The following FSTL5 variants were observed in gnomAD, a reference collection of about 807,000 sequenced individuals.
The protein encoded by FSTL5 is follistatin-related protein 5.
Under a neutral mutation model 89.1 loss-of-function variants are expected in FSTL5, and 62 were observed. That is an observed-to-expected ratio of 0.70 (90% CI 0.57 to 0.86). FSTL5 has a LOEUF of 0.86. Ranked by LOEUF, FSTL5 falls within the 40% of genes least tolerant of loss-of-function variation. The pLI, the probability that FSTL5 is intolerant of heterozygous loss-of-function variation, is 0.00. For missense variants in FSTL5, 1,057 were observed against 1,001.6 expected (o/e 1.06, Z -0.75); for synonymous variants, 383 against 346.2 (o/e 1.11, Z -1.18).
rs551296130 is a variant in FSTL5 at position 161,633,798 on chromosome 4, A to G, written c.894+22530T>C. ...AATGCAAAGCAAATATAAAATGAGC[A>G]TGAGACAACAGTTTATTTAATTCAT... is the stretch of plus-strand genomic sequence containing the variant. On this transcript the variant is annotated intron_variant, in intron 7 of 15. Coordinates refer to ENST00000306100, the MANE Select transcript of FSTL5 (RefSeq NM_020116.5). Among the ~76,000 whole-genome samples the G allele has an allele frequency of 6.6e-5, 10 of 152,326 alleles. No individual in the cohort carries two copies. The South Asian group carries it at 2.1e-3, about 32-fold the overall frequency.
intron 5 of FSTL5, among the ~76,000 whole-genome samples, chr4:161,774,338 C>T (rs1488564705): frequency 1.3e-5 from 2 of 152,166 alleles, no homozygotes; most frequent in East Asian, 3.9e-4. Flanking sequence ...AAGCATGGCC[C>T]TGTCAACACC....
At chr4:161,521,331 T>C (rs541250442) in intron 10 of FSTL5, among the ~76,000 whole-genome samples, 2 of 152,124 alleles carry the variant, frequency 1.3e-5, no homozygotes, top group Admixed American at 6.6e-5. Flanking sequence ...ACAGTGTTTT[T>C]TTTTTCCTGT....
intron 6 of FSTL5, among the ~76,000 whole-genome samples, chr4:161,682,094 C>A (rs1389339270): frequency 6.6e-6 from 1 of 152,054 alleles, no homozygotes; most frequent in African/African-American, 2.4e-5. Flanking sequence ...CTAAATATTT[C>A]TAAACATAGA....
At chr4:161,504,464 T>C (rs751646184) in intron 11 of FSTL5, among the ~76,000 whole-genome samples, 1 of 147,216 alleles carries the variant, frequency 6.8e-6, no homozygotes, top group South Asian at 2.2e-4. Context: ...ATGTGCAGAT[T>C]GTTTTTCGTT....
Position 161,656,562 on chromosome 4 carries a change from C to A in FSTL5, c.728-68G>T, listed in dbSNP as rs925324709. On this transcript the variant is annotated intron_variant, in intron 6 of 15. Transcript: ENST00000306100. Reference sequence around the variant, plus strand: ...TTGTAAGGCTAATAGTATAAAATTTCTGAATACTAGTAATTAAGGCTTTTA... The same window carrying A: ...TTGTAAGGCTAATAGTATAAAATTTATGAATACTAGTAATTAAGGCTTTTA... 5.0e-5 allele frequency: 47 copies of A among 947,584 alleles called. No individual in the cohort carries two copies. The African/African-American group carries it at 7.8e-4, about 16-fold the overall frequency. The allele number at this position is 947,584 out of a possible 1,614,324, so 58.7% of individuals were successfully genotyped here.
intron 6 of FSTL5, among the ~76,000 whole-genome samples, chr4:161,686,802 C>T (rs56059964): frequency 6.6e-6 from 1 of 151,904 alleles, no homozygotes; most frequent in Non-Finnish European, 1.5e-5. Flanking sequence ...GTGCAATAGG[C>T]ACACTTTTAA....
chr4:161,586,324 T>C (rs1473207740), intron 8 of FSTL5, among the ~76,000 whole-genome samples: 2 of 152,310 alleles, frequency 1.3e-5, no homozygotes, highest in African/African-American at 4.8e-5. Flanking sequence ...TTTTCATCGA[T>C]AATATAATTA....
intron 6 of FSTL5, among the ~76,000 whole-genome samples, chr4:161,742,534 T>C (rs1278162209): frequency 6.6e-6 from 1 of 152,206 alleles, no homozygotes; most frequent in Non-Finnish European, 1.5e-5. Context: ...TAGGGTAATG[T>C]AACGCTCTCA....
intron 6 of FSTL5, among the ~76,000 whole-genome samples, chr4:161,660,791 A>T (rs576851738): frequency 6.6e-6 from 1 of 152,244 alleles, no homozygotes; most frequent in Admixed American, 6.5e-5. Flanking sequence ...ATGTCCTGGC[A>T]AAGAACATGA....
rs555912127 is a variant in FSTL5, at chr4:161,912,563, C to T, written c.409+7841G>A. On this transcript the variant is annotated intron_variant, in intron 4 of 15. Coordinates refer to ENST00000306100, the MANE Select transcript of FSTL5 (RefSeq NM_020116.5). The stretch of plus-strand genomic sequence containing the variant: ...TTCACCTTCCACCGTGATTCTGAGG[C>T]CTTCCCATCCATGTGGAACTGCAAG... 2.6e-5 allele frequency among the ~76,000 whole-genome samples: 4 copies of T among 152,264 alleles called. No homozygotes were observed. In the South Asian group the frequency reaches 8.3e-4, roughly 32 times the overall value.
At chr4:161,817,404 G>T (rs1463500547) in intron 4 of FSTL5, among the ~76,000 whole-genome samples, 1 of 152,142 alleles carries the variant, frequency 6.6e-6, no homozygotes, top group Non-Finnish European at 1.5e-5. Flanking sequence ...CAATCTCAAG[G>T]AACAGCTCAA....
intron 6 of FSTL5, among the ~76,000 whole-genome samples, chr4:161,722,707 TC>T (rs1324671235): frequency 6.6e-6 from 1 of 152,164 alleles, no homozygotes; most frequent in Non-Finnish European, 1.5e-5. Flanking sequence ...CAGCTTTTAT[TC>T]CCTTAAATAC....
chr4:162,088,724 T>C (rs963360633), intron 2 of FSTL5, among the ~76,000 whole-genome samples: 12 of 152,156 alleles, frequency 7.9e-5, no homozygotes, highest in African/African-American at 2.9e-4. Context: ...TATGTTAAAA[T>C]CTTTAAGTAA....
chr4:162,142,822 T>C (rs1732800844), intron 1 of FSTL5, among the ~76,000 whole-genome samples: 1 of 152,220 alleles, frequency 6.6e-6, no homozygotes, highest in Non-Finnish European at 1.5e-5. Flanking sequence ...TATGTGACTT[T>C]AGTCAAATTA....
chr4:161,869,839 T>G (rs764430894), intron 4 of FSTL5, among the ~76,000 whole-genome samples: 3 of 152,222 alleles, frequency 2.0e-5, no homozygotes, highest in Non-Finnish European at 2.9e-5. Flanking sequence ...GTATGTGTCT[T>G]ACATTGATAT....
chr4:161,779,821 A>ATATATATATATATATATATATG (rs1741591267), intron 4 of FSTL5, among the ~76,000 whole-genome samples: 5 of 63,362 alleles, frequency 7.9e-5, no homozygotes, highest in East Asian at 1.1e-3. Context: ...GTATATATAT[A>ATATATATATATATATATATATG]TATATATATA....
intron 4 of FSTL5, among the ~76,000 whole-genome samples, chr4:161,822,852 C>T (rs1000688555): frequency 6.6e-6 from 1 of 152,184 alleles, no homozygotes; most frequent in African/African-American, 2.4e-5. Context: ...AATGACAGAA[C>T]AGCTCTCAGG....
rs117493127 is a variant in FSTL5 at position 162,059,259 on chromosome 4, A to G, written c.127-25601T>C. Among the ~76,000 whole-genome samples, 241 of 152,314 alleles carry G rather than the reference A, an allele frequency of 1.6e-3. 9 individuals are homozygous for G. The East Asian group carries it at 0.04, about 25-fold the overall frequency. On this transcript the variant is annotated intron_variant, in intron 2 of 15. Transcript: ENST00000306100. ...CAAGAGAAAAACACAGCAATCATGT[A>G]CTAATTTCTCATACCAATTGATAGT...
At chr4:161,944,777 A>G (rs1734690852) in intron 3 of FSTL5, among the ~76,000 whole-genome samples, 1 of 151,830 alleles carries the variant, frequency 6.6e-6, no homozygotes, top group African/African-American at 2.4e-5. Flanking sequence ...CTAGCTTTAT[A>G]GTTTGGTTAG....
Sources: allele counts gnomAD v4.1 joint callset (sites outside exome capture counted in the v4.1 genomes callset), GRCh38; gene constraint gnomAD v4.1.1; transcripts MANE v1.5; gene names NCBI Gene and HGNC (gene_info 2026-07-23, HGNC 2026-07-21).